The following PLAG1 variants were observed in gnomAD, a reference collection of about 807,000 sequenced individuals.
The protein encoded by PLAG1 is zinc finger protein PLAG1.
In PLAG1, 7 loss-of-function variants were observed where a neutral mutation model predicts 35.5. That is an observed-to-expected ratio of 0.20 (90% CI 0.11 to 0.37). The LOEUF is 0.37. Ranked by LOEUF, PLAG1 falls within the 10% of genes least tolerant of loss-of-function variation. The pLI is 1.00. For synonymous variants in PLAG1, 229 were observed against 225.4 expected (o/e 1.02, Z -0.14); for missense variants, 454 against 602.8 (o/e 0.75, Z 2.58).
intron 1 of PLAG1, among the ~76,000 whole-genome samples, chr8:56,193,365 T>G (rs73596215): frequency 0.016 from 2,490 of 152,248 alleles, 78 homozygotes; most frequent in African/African-American, 0.057. Flanking sequence ...CAATAAAAAG[T>G]TTTTTGAAAA....
In PLAG1 at chr8:56,167,374, T is replaced by C. The variant is rs765308192; in HGVS notation, c.372A>G (p.Glu124=). 6.2e-7 allele frequency: 1 copy of C among 1,614,094 alleles called. No individual in the cohort carries two copies. Among genetic ancestry groups the C allele is most frequent in the Non-Finnish European group, 8.5e-7 (1 of 1,179,988 alleles). The part of the protein sequence containing the change: ...HDPNKETFKC[E]ECGKNYNTKL... ...TGGTATTGTAGTTCTTGCCACATTCTTCGCACTTAAACGTCTCTTTGTTAG... is the reference window on the plus strand; with the variant it reads ...TGGTATTGTAGTTCTTGCCACATTCCTCGCACTTAAACGTCTCTTTGTTAG... Residue 124 remains glutamate (E), a synonymous_variant, in exon 5 of 5, where the codon GAA becomes GAG. Transcript: ENST00000316981. The surrounding 1 kb of genome is among the most constrained non-coding windows in gnomAD (Gnocchi z 5.9).
At chr8:56,199,719 G>A (rs189998703) in intron 1 of PLAG1, among the ~76,000 whole-genome samples, 8 of 149,282 alleles carry the variant, frequency 5.4e-5, no homozygotes, top group East Asian at 2.0e-4. Flanking sequence ...TAGGCAGTAC[G>A]TCTCCACCAC....
chr8:56,175,767 C>G (rs73594294), intron 2 of PLAG1, among the ~76,000 whole-genome samples: 7,565 of 152,086 alleles, frequency 0.05, 331 homozygotes, highest in African/African-American at 0.12. Context: ...AACTTTTTGT[C>G]TGTAAGAACC....
At position 56,162,502 on chromosome 8, in the gene PLAG1, A is replaced by G. The variant is rs1335350240; in HGVS notation, c.*3741T>C. On this transcript the variant is annotated 3_prime_UTR_variant, in exon 5 of 5. Transcript: ENST00000316981. Reference sequence around the variant, plus strand: ...CATTTTTGTACACAAAGCATTATATATCAAAGGCCTACATATATATCATCT... The same window carrying G: ...CATTTTTGTACACAAAGCATTATATGTCAAAGGCCTACATATATATCATCT... The G allele has an allele frequency of 4.6e-6, 1 of 215,280 alleles. No homozygotes were observed. The highest frequency in any genetic ancestry group is 7.0e-5 in the East Asian group (1 of 14,254). 13.3% of individuals were successfully genotyped at this position (215,280 alleles called of 1,614,324 possible).
At chr8:56,195,023 G>A (rs1403825747) in intron 1 of PLAG1, among the ~76,000 whole-genome samples, 1 of 152,086 alleles carries the variant, frequency 6.6e-6, no homozygotes, top group African/African-American at 2.4e-5. Flanking sequence ...TGCTGAGGGT[G>A]CATATCTGAC....
chr8:56,168,408 A>G (rs1201031796), intron 3 of PLAG1, 22 bp from the exon 4 acceptor site: 1 of 1,193,948 alleles, frequency 8.4e-7, no homozygotes, highest in Non-Finnish European at 1.1e-6. Context: ...AATAAGAAAC[A>G]ACTAGTTTGT....
intron 3 of PLAG1, among the ~76,000 whole-genome samples, chr8:56,169,908 A>G (rs181905065): frequency 6.2e-4 from 95 of 152,276 alleles, no homozygotes; most frequent in Middle Eastern, 3.4e-3. Flanking sequence ...CAACTTCCTT[A>G]TATCACCTGT....
chr8:56,163,000 T>G lies in PLAG1; in HGVS notation c.*3243A>C, dbSNP rs1486679724. On this transcript the variant is annotated 3_prime_UTR_variant, in exon 5 of 5. Coordinates refer to ENST00000316981, the MANE Select transcript of PLAG1 (RefSeq NM_002655.3). Reference sequence around the variant, plus strand: ...AAAAACTGAACTTGGTAATAGGATTTTAAAATGAAAGTTTTAACAGTGATC... The same window carrying G: ...AAAAACTGAACTTGGTAATAGGATTGTAAAATGAAAGTTTTAACAGTGATC... 1 of 209,332 alleles carries G rather than the reference T, an allele frequency of 4.8e-6. No individual in the cohort carries two copies. Among genetic ancestry groups the G allele is most frequent in the Admixed American group, 5.9e-5 (1 of 16,938 alleles). The allele number at this position is 209,332 out of a possible 1,614,324, so 13.0% of individuals were successfully genotyped here.
At position 56,198,268 on chromosome 8, in the gene PLAG1, C is replaced by T. The variant is rs143028070; in HGVS notation, c.-322+12853G>A. 2.8e-3 allele frequency among the ~76,000 whole-genome samples: 420 copies of T among 152,332 alleles called. 3 individuals carry two copies. The highest frequency in any genetic ancestry group is 9.7e-3 in the African/African-American group (402 of 41,572). On this transcript the variant is annotated intron_variant, in intron 1 of 4. Coordinates refer to ENST00000316981, the MANE Select transcript of PLAG1 (RefSeq NM_002655.3). ...GCCCCGAGAGGAAGCTGCATACCCA[C>T]GCATGGTATGGAGCAGTGCTCCAGG... is the stretch of plus-strand genomic sequence containing the variant.
chr8:56,168,224 G>T lies in PLAG1; in HGVS notation c.46C>A (p.Gln16Lys). The part of the protein sequence containing the change: ...PGDLSEVRDT[Q>K]KVPSGKRKRG... ...TTACGTTTCCCTGAAGGGACTTTCT[G>T]GGTATCTCTTACTTCTGACAAATCA... Residue 16 changes from glutamine (Q) to lysine (K), a missense_variant, in exon 4 of 5, where the codon CAG (glutamine) becomes AAG (lysine). By Grantham distance (53) the Gln-to-Lys change is moderately conservative. Transcript: ENST00000316981. The T allele has an allele frequency of 6.2e-7, 1 of 1,613,712 alleles. No individual in the cohort carries two copies. Among genetic ancestry groups the T allele is most frequent in the Non-Finnish European group, 8.5e-7 (1 of 1,179,744 alleles).
chr8:56,196,985 T>C (rs865872243), intron 1 of PLAG1, among the ~76,000 whole-genome samples: 3 of 150,298 alleles, frequency 2.0e-5, no homozygotes, highest in South Asian at 2.1e-4. Flanking sequence ...TGTGTGTGTG[T>C]GTGCTCCTCT....
At chr8:56,197,533 TTC>T (rs1243831074) in intron 1 of PLAG1, among the ~76,000 whole-genome samples, 2 of 152,188 alleles carry the variant, frequency 1.3e-5, no homozygotes, top group Admixed American at 6.5e-5. Flanking sequence ...CTGGGTGTAT[TTC>T]TCTCTTCTTT....
chr8:56,202,920 G>C (rs1489207301), intron 1 of PLAG1, among the ~76,000 whole-genome samples: 2 of 152,142 alleles, frequency 1.3e-5, no homozygotes, highest in African/African-American at 2.4e-5. Flanking sequence ...TTTCCCAAAA[G>C]AAGGGCTTTT....
intron 1 of PLAG1, among the ~76,000 whole-genome samples, chr8:56,192,163 C>T (rs1812204329): frequency 1.3e-5 from 2 of 152,150 alleles, no homozygotes; most frequent in Admixed American, 1.3e-4. Flanking sequence ...AATGGGCACT[C>T]CTGTGTACTA....
Position 56,168,092 on chromosome 8 carries a change from T to A in PLAG1, c.178A>T (p.Arg60Trp). The change falls in exon 4 of 5, where the codon AGG becomes TGG. Residue 60 changes from arginine to tryptophan, a missense_variant. This residue lies in a region of PLAG1 where 170 missense variants were observed against 226.3 expected (regional missense o/e 0.75). Transcript: ENST00000316981. ...KVHSYSHTGE[R>W]PYKCIQQDCT... Reference sequence around the variant, plus strand: ...TCTTGTTGTATGCACTTGTAGGGCCTCTCTCCTGTGTGAGAGTAGGAGTGA... The same window carrying A: ...TCTTGTTGTATGCACTTGTAGGGCCACTCTCCTGTGTGAGAGTAGGAGTGA... The A allele has an allele frequency of 6.2e-7, 1 of 1,613,298 alleles. No homozygotes were observed. Among genetic ancestry groups the A allele is most frequent in the Non-Finnish European group, 8.5e-7 (1 of 1,179,270 alleles).
Position 56,164,712 on chromosome 8 carries a change from T to G in PLAG1, c.*1531A>C, listed in dbSNP as rs913108972. 5.5e-5 allele frequency: 12 copies of G among 217,684 alleles called. 1 individual carries two copies. The highest frequency in any genetic ancestry group is 1.0e-4 in the Non-Finnish European group (11 of 108,070). 13.5% of individuals were successfully genotyped at this position (217,684 alleles called of 1,614,324 possible). ...CCAACTGACCCTTAGAAAAATATAT[T>G]AATTAGACCTTTAAGAAGATTATGT... On this transcript the variant is annotated 3_prime_UTR_variant, in exon 5 of 5. Transcript: ENST00000316981.
intron 1 of PLAG1, among the ~76,000 whole-genome samples, chr8:56,197,659 C>T (rs952885294): frequency 1.2e-4 from 19 of 152,190 alleles, no homozygotes; most frequent in African/African-American, 4.1e-4. Flanking sequence ...CTTAGGTCTA[C>T]GTGTTTCTCT....
intron 1 of PLAG1, among the ~76,000 whole-genome samples, chr8:56,182,128 T>C (rs545068159): frequency 7.9e-5 from 12 of 152,254 alleles, no homozygotes; most frequent in South Asian, 4.1e-4. Context: ...ATGAGATGGA[T>C]TGAAAGCACT....
intron 1 of PLAG1, among the ~76,000 whole-genome samples, chr8:56,196,945 AGTGTGCGTGTGTGTGT>A (rs1240332134): frequency 4.8e-5 from 4 of 84,112 alleles, no homozygotes; most frequent in Admixed American, 1.2e-4. Context: ...CTCCCTCCCT[AGTGTGCGTGTGTGTGT>A]GTGTGTGTGT....
Sources: allele counts gnomAD v4.1 joint callset (sites outside exome capture counted in the v4.1 genomes callset), GRCh38; gene constraint gnomAD v4.1.1; regional missense constraint gnomAD v4.1.1; non-coding constraint Gnocchi (gnomAD v3.1); transcripts MANE v1.5; gene names NCBI Gene and HGNC (gene_info 2026-07-23, HGNC 2026-07-21).